Variants in FBXO44 observed in about 807,000 individuals in gnomAD.
FBXO44 encodes F-box protein 44.
Under a neutral mutation model 33.5 loss-of-function variants are expected in FBXO44, and 25 were observed. That is an observed-to-expected ratio of 0.75 (90% CI 0.54 to 1.04). FBXO44 has a LOEUF of 1.04. FBXO44 is among the 50% of genes least tolerant of loss of function. FBXO44 has a pLI of 0.00. For synonymous variants in FBXO44, 147 were observed against 152.8 expected, an observed-to-expected ratio of 0.96 and a Z score of 0.28; for missense variants, 311 against 344.0, an observed-to-expected ratio of 0.90 and a Z score of 0.76.
At chr1:11,657,155 A>C (rs1443770596) in intron 2 of FBXO44, among the ~76,000 whole-genome samples, 3 of 152,260 alleles carry the variant, frequency 2.0e-5, no homozygotes, top group Non-Finnish European at 4.4e-5. Context: ...TGGCTGAGGC[A>C]TTAATAATTG....
At chr1:11,658,024 A>C (rs369807092) in intron 2 of FBXO44, among the ~76,000 whole-genome samples, 9 of 152,254 alleles carry the variant, frequency 5.9e-5, no homozygotes, top group African/African-American at 2.2e-4. Context: ...GTTCTCCATC[A>C]CAGAAGAGGT....
rs543257199 is a variant in FBXO44 at position 11,658,283 on chromosome 1, G to T, written c.282G>T (p.Trp94Cys). Residue 94 changes from tryptophan to cysteine, a missense_variant, in exon 3 of 6, where the codon TGG (tryptophan) becomes TGT (cysteine). Coordinates refer to ENST00000251547, the MANE Select transcript of FBXO44 (RefSeq NM_033182.7). The part of the protein sequence containing the change: ...NPCAEEGFEF[W>C]SLDVNGGDEW... Reference sequence around the variant, plus strand: ...TTCCATCAGAGGGGTTCGAGTTCTGGAGCCTGGATGTGAATGGAGGCGATG... The same window carrying T: ...TTCCATCAGAGGGGTTCGAGTTCTGTAGCCTGGATGTGAATGGAGGCGATG... 6.2e-7 allele frequency: 1 copy of T among 1,613,792 alleles called. No individual in the cohort carries two copies. Among genetic ancestry groups the T allele is most frequent in the East Asian group, 2.2e-5 (1 of 44,884 alleles).
At chr1:11,657,052 G>A (rs1313544561) in intron 2 of FBXO44, among the ~76,000 whole-genome samples, 5 of 152,160 alleles carry the variant, frequency 3.3e-5, no homozygotes, top group Non-Finnish European at 5.9e-5. Context: ...TTGACACTGG[G>A]ATGGCATGGG....
In FBXO44 at chr1:11,661,607, C is replaced by T; in HGVS notation, c.*334C>T. On this transcript the variant is annotated 3_prime_UTR_variant, in exon 6 of 6. Coordinates refer to ENST00000251547, the MANE Select transcript of FBXO44 (RefSeq NM_033182.7). The surrounding 1 kb of genome is among the most constrained non-coding windows in gnomAD (Gnocchi z 4.4). Reference sequence around the variant, plus strand: ...GGAGGCCAGCCTGGATCTGTCTCTCCCTTCCCCTCCTGGGACCATTCTACC... The same window carrying T: ...GGAGGCCAGCCTGGATCTGTCTCTCTCTTCCCCTCCTGGGACCATTCTACC... 2.8e-6 allele frequency: 1 copy of T among 357,624 alleles called. No homozygotes were observed. The highest frequency in any genetic ancestry group is 7.6e-5 in the South Asian group (1 of 13,142). 22.2% of individuals were successfully genotyped at this position (357,624 alleles called of 1,614,324 possible). A position where few individuals can be genotyped will look rare whatever the true frequency, so the allele number is the denominator to read the frequency against.
upstream of FBXO44, chr1:11,654,769 A>C: frequency 6.4e-6 from 1 of 156,424 alleles, no homozygotes; most frequent in Non-Finnish European, 1.4e-5. Flanking sequence ...CACCCCCCAC[A>C]CCAGGTAATT....
chr1:11,658,937 G>A, intron 5 of FBXO44, 66 bp downstream of exon 5: 4 of 1,584,956 alleles, frequency 2.5e-6, no homozygotes, highest in East Asian at 2.2e-5. Context: ...GTCAGACGGG[G>A]CCTAGGTTCA....
rs765347007 is a variant in FBXO44 at position 11,658,414 on chromosome 1, G to C, written c.392+21G>C. 2.5e-6 allele frequency: 4 copies of C among 1,613,714 alleles called. No homozygotes were observed. In the East Asian group the frequency reaches 8.9e-5, roughly 36 times the overall value. On this transcript the variant is annotated intron_variant, in intron 3 of 5. Transcript: ENST00000251547. ...TATTAGTAAGATCCGGGGACTTGGG[G>C]TAGGGGAAAGCCCAAATCAATTTAC...
Position 11,656,019 on chromosome 1 carries a change from G to C in FBXO44, c.184G>C (p.Asp62His). 1 of 1,614,180 alleles carries C rather than the reference G, an allele frequency of 6.2e-7. No homozygotes were observed. The highest frequency in any genetic ancestry group is 8.5e-7 in the Non-Finnish European group (1 of 1,180,028). ...AGAGGGCTTCATCACTGAGGACTGGGACCAGCCCGTGGCCGACTGGAAGAT... is the reference window on the plus strand; with the variant it reads ...AGAGGGCTTCATCACTGAGGACTGGCACCAGCCCGTGGCCGACTGGAAGAT... The part of the protein sequence containing the change: ...LREGFITEDW[D>H]QPVADWKIFY... Residue 62 changes from aspartate (D) to histidine (H), a missense_variant, in exon 2 of 6, where the codon GAC becomes CAC. Physicochemically the swap from Asp to His is moderately conservative, Grantham distance 81. Transcript: ENST00000251547.
chr1:11,655,505 G>A (rs566420249), intron 1 of FBXO44: 9 of 377,740 alleles, frequency 2.4e-5, no homozygotes, highest in Middle Eastern at 7.6e-4. Flanking sequence ...CCCCATTAAA[G>A]ACTGGCCTAC....
At chr1:11,656,402 ACCTCCCAAGTTCAG>A (rs992329307) in intron 2 of FBXO44, among the ~76,000 whole-genome samples, 17 of 126,700 alleles carry the variant, frequency 1.3e-4, no homozygotes, top group African/African-American at 4.1e-4. Flanking sequence ...TGTAACCTCC[ACCTCCCAAGTTCAG>A]CCTCCCAAGT....
At chr1:11,654,459 A>C, upstream of FBXO44, 1 of 1,104,634 alleles carries the variant, frequency 9.1e-7, no homozygotes, top group Non-Finnish European at 1.2e-6. Flanking sequence ...CGCCTCTTAA[A>C]GGCCCCCGAC....
intron 1 of FBXO44, 27 bp downstream of exon 1, chr1:11,654,979 G>T (rs1417084066): frequency 1.3e-5 from 2 of 148,898 alleles, no homozygotes; most frequent in East Asian, 2.0e-4. Flanking sequence ...GGCGCGGGGG[G>T]CGCTGGGGAG....
chr1:11,658,086 C>T (rs1181132477), intron 2 of FBXO44, among the ~76,000 whole-genome samples, 181 bp from the exon 3 acceptor site: 1 of 152,172 alleles, frequency 6.6e-6, no homozygotes, highest in Non-Finnish European at 1.5e-5. Context: ...AGTCACCTCC[C>T]TGTGCCTGCA....
chr1:11,655,692 C>A, intron 1 of FBXO44, 114 bp from the exon 2 acceptor site: 1 of 1,131,338 alleles, frequency 8.8e-7, no homozygotes, highest in Non-Finnish European at 1.2e-6. Flanking sequence ...CCCCAGTGAC[C>A]CCTGGAGGTA....
rs567768918 is a variant in FBXO44 at position 11,661,227 on chromosome 1, C to T, written c.722C>T (p.Pro241Leu). The T allele has an allele frequency of 4.3e-6, 7 of 1,614,132 alleles. No individual in the cohort carries two copies. Among genetic ancestry groups the T allele is most frequent in the East Asian group, 2.2e-5 (1 of 44,870 alleles). Residue 241 changes from proline (P) to leucine (L), a missense_variant, in exon 6 of 6, where the codon CCG (proline) becomes CTG (leucine). Transcript: ENST00000251547. The surrounding 1 kb of genome is among the most constrained non-coding windows in gnomAD (Gnocchi z 4.4). ...CATTACTGGGCCGGCTGGTACGGCCCGAGGGTCACCAACAGCAGCATCACC... is the reference window on the plus strand; with the variant it reads ...CATTACTGGGCCGGCTGGTACGGCCTGAGGGTCACCAACAGCAGCATCACC... ...DTHYWAGWYG[P>L]RVTNSSITIG...
chr1:11,659,826 C>T (rs1403154754), intron 5 of FBXO44, among the ~76,000 whole-genome samples: 3 of 152,094 alleles, frequency 2.0e-5, no homozygotes, highest in Admixed American at 6.5e-5. Flanking sequence ...ATGGCGGATA[C>T]GAATATTTTA....
chr1:11,661,121 C>T lies in FBXO44; in HGVS notation c.625-9C>T, dbSNP rs760374685. On this transcript the variant is annotated splice_polypyrimidine_tract_variant and intron_variant, in intron 5 of 5. Coordinates refer to ENST00000251547, the MANE Select transcript of FBXO44 (RefSeq NM_033182.7). The surrounding 1 kb of genome is among the most constrained non-coding windows in gnomAD (Gnocchi z 4.4). ...TTGACCTTTCTCCCCCCTCTACCTG[C>T]CCTGCCAGGTCTCCCACACATTCTC... is the stretch of plus-strand genomic sequence containing the variant. The T allele has an allele frequency of 1.2e-6, 2 of 1,607,654 alleles. No individual in the cohort carries two copies. Among genetic ancestry groups the T allele is most frequent in the South Asian group, 2.2e-5 (2 of 90,744 alleles).
chr1:11,660,162 TAA>T (rs1640089138), intron 5 of FBXO44, among the ~76,000 whole-genome samples: 1 of 152,212 alleles, frequency 6.6e-6, no homozygotes. Context: ...TAATTTTACT[TAA>T]TTTTTTTTTC....
chr1:11,656,994 A>G (rs9430199), intron 2 of FBXO44, among the ~76,000 whole-genome samples: 4,813 of 152,212 alleles, frequency 0.032, 252 homozygotes, highest in African/African-American at 0.11. Context: ...TGTTACAACA[A>G]CAGGTAAAGC....
Sources: gnomAD v4.1 joint callset for allele counts (sites outside exome capture counted in the v4.1 genomes callset) on GRCh38, gnomAD v4.1.1 for gene constraint, Gnocchi (gnomAD v3.1) non-coding constraint, MANE v1.5 for transcripts, NCBI Gene and HGNC (gene_info 2026-07-23, HGNC 2026-07-21) for gene names.